Variants in BTBD7 observed in about 807,000 individuals in gnomAD.
BTBD7 encodes BTB/POZ domain-containing protein 7.
Under a neutral mutation model 99.9 loss-of-function variants are expected in BTBD7, and 38 were observed. That is an observed-to-expected ratio of 0.38 (90% CI 0.29 to 0.50). The LOEUF is 0.50. Among genes scored for constraint, BTBD7 ranks in the 20% least tolerant of loss-of-function variants. The pLI is 0.93. For synonymous variants in BTBD7, 520 were observed against 511.4 expected, an observed-to-expected ratio of 1.02 and a Z score of -0.23; for missense variants, 1,170 against 1,394.6, an observed-to-expected ratio of 0.84 and a Z score of 2.57.
chr14:93,332,901 C>G lies in BTBD7; in HGVS notation c.-188G>C. ...CCGCCGCCGCCACCAGCACCGCCGT[C>G]CGCACCGGCGCCAGCACCCCCGGCC... is the stretch of plus-strand genomic sequence containing the variant. On this transcript the variant is annotated 5_prime_UTR_variant, in exon 1 of 11. Coordinates refer to ENST00000334746, the MANE Select transcript of BTBD7 (RefSeq NM_001002860.4). 1 of 1,380,242 alleles carries G rather than the reference C, an allele frequency of 7.2e-7. No individual in the cohort carries two copies. The highest frequency in any genetic ancestry group is 1.6e-5 in the African/African-American group (1 of 64,060). The allele number at this position is 1,380,242 out of a possible 1,614,324, so 85.5% of individuals were successfully genotyped here. A position where few individuals can be genotyped will look rare whatever the true frequency, so the allele number is the denominator to read the frequency against.
intron 6 of BTBD7, chr14:93,255,374 T>G (rs2052418092): frequency 6.6e-6 from 1 of 152,164 alleles, no homozygotes; most frequent in Admixed American, 6.6e-5. Flanking sequence ...CTTGAACTCC[T>G]CAACTCAAGT....
At chr14:93,284,674 G>GAA (rs1274611248) in intron 3 of BTBD7, among the ~76,000 whole-genome samples, 1 of 152,034 alleles carries the variant, frequency 6.6e-6, no homozygotes, top group Non-Finnish European at 1.5e-5. Context: ...AAACAAGTCA[G>GAA]AAGATATAAA....
At chr14:93,319,677 C>T (rs981308037) in intron 1 of BTBD7, among the ~76,000 whole-genome samples, 3 of 152,092 alleles carry the variant, frequency 2.0e-5, no homozygotes, top group Admixed American at 6.5e-5. Context: ...TATTAATCAA[C>T]GGGCATACAG....
Position 93,294,432 on chromosome 14 carries a change from A to G in BTBD7, c.588T>C (p.Ser196=). The change falls in exon 3 of 11, where the codon TCT becomes TCC. Residue 196 remains serine, a synonymous_variant. Transcript: ENST00000334746. ...NTAGIDMPMF[S]ALLHYLYTGE... ...CTGTATAAAGGTAGTGTAACAAAGC[A>G]GAAAACATGGGCATATCAATACCAG... 6.2e-7 allele frequency: 1 copy of G among 1,614,210 alleles called. No individual in the cohort carries two copies. Among genetic ancestry groups the G allele is most frequent in the Non-Finnish European group, 8.5e-7 (1 of 1,180,038 alleles).
Position 93,238,140 on chromosome 14 carries a change from CAA to C in BTBD7, c.*4131_*4132del, listed in dbSNP as rs2052181418. On this transcript the variant is annotated 3_prime_UTR_variant, in exon 11 of 11. Coordinates refer to ENST00000334746, the MANE Select transcript of BTBD7 (RefSeq NM_001002860.4). ...CTTAGACAGAACTCACATAAACACA[CAA>C]ATACAAGAGGTTATTTTCAAGACAC... is the stretch of plus-strand genomic sequence containing the variant. The C allele has an allele frequency of 6.6e-6, 1 of 152,492 alleles. No homozygotes were observed. The highest frequency in any genetic ancestry group is 6.5e-5 in the Admixed American group (1 of 15,270). The allele number at this position is 152,492 out of a possible 1,614,324, so 9.4% of individuals were successfully genotyped here. A position where few individuals can be genotyped will look rare whatever the true frequency, so the allele number is the denominator to read the frequency against.
At chr14:93,288,583 T>A (rs1468169496) in intron 3 of BTBD7, 1 of 885,892 alleles carries the variant, frequency 1.1e-6, no homozygotes, top group African/African-American at 1.6e-5. Context: ...GATCTCTGTC[T>A]CAATTTGGAA....
rs1391388528 is a variant in BTBD7 at position 93,278,210 on chromosome 14, C to T, written c.1163-14217G>A. Among the ~76,000 whole-genome samples, 5 of 151,510 alleles carry T rather than the reference C, an allele frequency of 3.3e-5. No individual in the cohort carries two copies. In the East Asian group the frequency reaches 7.8e-4, roughly 24 times the overall value. On this transcript the variant is annotated intron_variant, in intron 3 of 10. Coordinates refer to ENST00000334746, the MANE Select transcript of BTBD7 (RefSeq NM_001002860.4). ...GGTGGATCACTTGAGGTCAGGAGTT[C>T]GAGACCAGCCTGGCCAACATGGTGA...
chr14:93,248,434 A>AC lies in BTBD7; in HGVS notation c.2121+41dup. Reference sequence around the variant, plus strand: ...TGCCCACAATACTGCCTGTCTGGTGACTGAGGCTCCCTATTTTAAACAGTT... The same window carrying AC: ...TGCCCACAATACTGCCTGTCTGGTGACCTGAGGCTCCCTATTTTAAACAGTT... On this transcript the variant is annotated intron_variant, in intron 9 of 10. Coordinates refer to ENST00000334746, the MANE Select transcript of BTBD7 (RefSeq NM_001002860.4). 5 of 1,595,204 alleles carry AC rather than the reference A, an allele frequency of 3.1e-6. No individual in the cohort carries two copies. In the South Asian group the frequency reaches 5.6e-5, roughly 18 times the overall value.
chr14:93,286,924 G>A (rs1331433383), intron 3 of BTBD7, among the ~76,000 whole-genome samples: 2 of 152,116 alleles, frequency 1.3e-5, no homozygotes, highest in Non-Finnish European at 2.9e-5. Flanking sequence ...GGGCACTGAT[G>A]TCATATCTTT....
chr14:93,324,425 A>AAAAAAATAAAAAT (rs757575875), intron 1 of BTBD7, among the ~76,000 whole-genome samples: 6 of 151,644 alleles, frequency 4.0e-5, no homozygotes, highest in East Asian at 3.9e-4. Context: ...CTGTCTCAAA[A>AAAAAAATAAAAAT]AAAAAAAAAA....
At position 93,246,177 on chromosome 14, in the gene BTBD7, A is replaced by T. The variant is rs1478013024; in HGVS notation, c.2231T>A (p.Met744Lys). The T allele has an allele frequency of 1.2e-6, 2 of 1,613,652 alleles. No individual in the cohort carries two copies. Among genetic ancestry groups the T allele is most frequent in the South Asian group, 2.2e-5 (2 of 91,050 alleles). Residue 744 changes from methionine to lysine, a missense_variant, in exon 10 of 11, where the codon ATG (methionine) becomes AAG (lysine). Physicochemically the swap from Met to Lys is moderately conservative, Grantham distance 95. Coordinates refer to ENST00000334746, the MANE Select transcript of BTBD7 (RefSeq NM_001002860.4). ...RVNSTPPAETMFTDLDSFVAF... is the reference protein window; with the variant it reads ...RVNSTPPAETKFTDLDSFVAF... ...CACAAAAGAGTCCAGATCTGTAAAC[A>T]TGGTTTCTGCAGGAGGTGTACTGTT...
chr14:93,275,236 T>C (rs1371744061), intron 3 of BTBD7, among the ~76,000 whole-genome samples: 2 of 152,224 alleles, frequency 1.3e-5, no homozygotes, highest in Admixed American at 6.5e-5. Flanking sequence ...CTTAGTAATA[T>C]ACTTTCTGAC....
In BTBD7 at chr14:93,312,672, T is replaced by C. The variant is rs2053151320; in HGVS notation, c.-106-16515A>G. 2.6e-5 allele frequency among the ~76,000 whole-genome samples: 4 copies of C among 152,148 alleles called. No individual in the cohort carries two copies. In the South Asian group the frequency reaches 8.3e-4, roughly 32 times the overall value. ...GGAGACTGAGGCTCCAAGTTTTGGG[T>C]AGAATAAAGAGTGCCAGGTGGAGGT... is the stretch of plus-strand genomic sequence containing the variant. On this transcript the variant is annotated intron_variant, in intron 1 of 10. Coordinates refer to ENST00000334746, the MANE Select transcript of BTBD7 (RefSeq NM_001002860.4).
At position 93,295,993 on chromosome 14, in the gene BTBD7, G is replaced by C; in HGVS notation, c.59C>G (p.Ser20Ter). Residue 20 changes from serine to a stop codon, truncating the protein, a stop_gained, in exon 2 of 11, where the codon TCA becomes TGA. Transcript: ENST00000334746. LOFTEE classifies it high-confidence loss of function. ...HSCSPRVGGN[S>*]QAQQTFIGTS... ...ACCTATAAAAGTCTGTTGGGCCTGTGAATTTCCCCCTACCCTCGGGGAACA... is the reference window on the plus strand; with the variant it reads ...ACCTATAAAAGTCTGTTGGGCCTGTCAATTTCCCCCTACCCTCGGGGAACA... The C allele has an allele frequency of 1.2e-6, 2 of 1,614,044 alleles. No homozygotes were observed. Among genetic ancestry groups the C allele is most frequent in the Non-Finnish European group, 1.7e-6 (2 of 1,179,970 alleles).
intron 1 of BTBD7, 36 bp downstream of exon 1, chr14:93,332,784 G>C: frequency 3.4e-6 from 5 of 1,462,210 alleles, no homozygotes; most frequent in South Asian, 1.3e-5. Context: ...ACACAGCCTC[G>C]GCTCCACAGC....
At chr14:93,315,359 C>T (rs956620894) in intron 1 of BTBD7, among the ~76,000 whole-genome samples, 1 of 152,116 alleles carries the variant, frequency 6.6e-6, no homozygotes, top group Admixed American at 6.5e-5. Context: ...TGCTAGGAAG[C>T]GAGATGGATA....
intron 1 of BTBD7, among the ~76,000 whole-genome samples, chr14:93,310,770 CTTTTT>C (rs56756515): frequency 4.3e-5 from 5 of 116,660 alleles, no homozygotes; most frequent in Admixed American, 8.9e-5. Context: ...AACCAAAAAA[CTTTTT>C]TTTTTTTTTT....
intron 1 of BTBD7, among the ~76,000 whole-genome samples, chr14:93,304,016 G>A (rs1030402786): frequency 6.6e-6 from 1 of 152,200 alleles, no homozygotes; most frequent in African/African-American, 2.4e-5. Context: ...CAAAACTGAA[G>A]TAGCTCTGGA....
At chr14:93,259,001 C>G (rs1001790849) in intron 5 of BTBD7, among the ~76,000 whole-genome samples, 2 of 152,178 alleles carry the variant, frequency 1.3e-5, no homozygotes, top group Non-Finnish European at 2.9e-5. Flanking sequence ...AGCTTATGGT[C>G]TATAACATTT....
Sources: allele counts gnomAD v4.1 joint callset (sites outside exome capture counted in the v4.1 genomes callset), GRCh38; gene constraint gnomAD v4.1.1; transcripts MANE v1.5; gene names NCBI Gene and HGNC (gene_info 2026-07-23, HGNC 2026-07-21).